ANXA13: variants seen among roughly 807,000 people sequenced by gnomAD.
The protein encoded by ANXA13 is annexin XIII.
In ANXA13, 36 loss-of-function variants were observed where a neutral mutation model predicts 46.6. That is an observed-to-expected ratio of 0.77 (90% CI 0.59 to 1.02). The LOEUF is 1.02. ANXA13 is among the 50% of genes least tolerant of loss of function. The probability of loss-of-function intolerance (pLI) is 0.00; values close to 1 mark genes in which losing one functional copy is unlikely to be tolerated. For synonymous variants in ANXA13, 163 were observed against 152.9 expected (o/e 1.07, Z -0.49); for missense variants, 417 against 396.5 (o/e 1.05, Z -0.44).
At chr8:123,713,989 C>T (rs376420558) in intron 1 of ANXA13, among the ~76,000 whole-genome samples, 3 of 152,124 alleles carry the variant, frequency 2.0e-5, no homozygotes, top group South Asian at 2.1e-4. Flanking sequence ...CCACGGCGCC[C>T]GGCATGTCCA....
At chr8:123,701,237 T>C (rs1339265697) in intron 3 of ANXA13, among the ~76,000 whole-genome samples, 1 of 152,182 alleles carries the variant, frequency 6.6e-6, no homozygotes, top group Non-Finnish European at 1.5e-5. Flanking sequence ...CACTTTGGGC[T>C]GATGTGGGCA....
chr8:123,696,427 T>C (rs939049351), intron 4 of ANXA13, among the ~76,000 whole-genome samples: 5 of 152,174 alleles, frequency 3.3e-5, no homozygotes, highest in Non-Finnish European at 2.9e-5. Context: ...GGAGTGCTAG[T>C]TTCTCTTGAG....
At chr8:123,699,290 C>A (rs1586320349) in intron 3 of ANXA13, among the ~76,000 whole-genome samples, 1 of 152,176 alleles carries the variant, frequency 6.6e-6, no homozygotes, top group Admixed American at 6.5e-5. Context: ...GATGATCCTC[C>A]CATCTCAGCC....
At chr8:123,723,790 C>T (rs898729837) in intron 1 of ANXA13, among the ~76,000 whole-genome samples, 1 of 152,292 alleles carries the variant, frequency 6.6e-6, no homozygotes, top group African/African-American at 2.4e-5. Context: ...TAGTCTATTT[C>T]CTTCCCTAGA....
chr8:123,702,579 G>A (rs775180596), intron 3 of ANXA13, 63 bp downstream of exon 3: 10 of 1,339,964 alleles, frequency 7.5e-6, no homozygotes, highest in Non-Finnish European at 1.1e-5. Flanking sequence ...CTGGGGACAT[G>A]AGGAAGCCGA....
intron 3 of ANXA13, among the ~76,000 whole-genome samples, chr8:123,700,971 C>T (rs1464240948): frequency 2.0e-5 from 3 of 152,072 alleles, no homozygotes; most frequent in African/African-American, 7.2e-5. Context: ...TACAGGCACA[C>T]ACCACCATGC....
intron 1 of ANXA13, among the ~76,000 whole-genome samples, chr8:123,734,890 A>AT (rs1479844281): frequency 2.0e-5 from 3 of 151,736 alleles, no homozygotes; most frequent in Non-Finnish European, 4.4e-5. Context: ...TTGCAGGCTA[A>AT]TGATGAAAGA....
At chr8:123,688,779 A>C in intron 9 of ANXA13, 92 bp downstream of exon 9, 13 of 1,114,300 alleles carry the variant, frequency 1.2e-5, no homozygotes, top group Non-Finnish European at 1.6e-5. Context: ...CCCAAAAGCT[A>C]TTCCCTCAAA....
rs761928116 is a variant in ANXA13 at position 123,693,217 on chromosome 8, T to C, written c.622A>G (p.Thr208Ala). Residue 208 changes from threonine to alanine, a missense_variant, in exon 8 of 11, where the codon ACC becomes GCC. Physicochemically the swap from Thr to Ala is moderately conservative, Grantham distance 58. Coordinates refer to ENST00000419625, the MANE Select transcript of ANXA13 (RefSeq NM_004306.4). ...CTTACAATTTGATAGGCTTGAAAGG[T>C]GGCTCGTAACTGCTTGTAGCTCCTC... is the stretch of plus-strand genomic sequence containing the variant. ...AKRSYKQLRA[T>A]FQAYQILIGK... 5.6e-6 allele frequency: 9 copies of C among 1,614,088 alleles called. No homozygotes were observed. The African/African-American group carries it at 1.1e-4, about 19-fold the overall frequency.
rs1813212909 is a variant in ANXA13, at chr8:123,690,437, A to G, written c.643-1491T>C. 6.6e-6 allele frequency among the ~76,000 whole-genome samples: 1 copy of G among 152,114 alleles called. No homozygotes were observed. The highest frequency in any genetic ancestry group is 2.1e-4 in the South Asian group (1 of 4,832). The stretch of plus-strand genomic sequence containing the variant: ...GCCCGCTCAGGTTTTTTCCTTGCAC[A>G]ACTCCAGGAGGCGCTATTCACACAC... On this transcript the variant is annotated intron_variant, in intron 8 of 10. Coordinates refer to ENST00000419625, the MANE Select transcript of ANXA13 (RefSeq NM_004306.4). The surrounding 1 kb of genome is among the most constrained non-coding windows in gnomAD (Gnocchi z 4.6).
intron 1 of ANXA13, among the ~76,000 whole-genome samples, chr8:123,731,484 C>T (rs1814115884): frequency 6.6e-6 from 1 of 152,190 alleles, no homozygotes; most frequent in Non-Finnish European, 1.5e-5. Flanking sequence ...TACCATGCTG[C>T]AGGCATTGTG....
At position 123,697,860 on chromosome 8, in the gene ANXA13, A is replaced by C. The variant is rs1028369135; in HGVS notation, c.357+529T>G. On this transcript the variant is annotated intron_variant, in intron 4 of 10. Coordinates refer to ENST00000419625, the MANE Select transcript of ANXA13 (RefSeq NM_004306.4). Reference sequence around the variant, plus strand: ...TCTCTTCAGCCCCTGCAAAGGTGGCATGTGCCGAGTGACATCCCTCTGTCT... The same window carrying C: ...TCTCTTCAGCCCCTGCAAAGGTGGCCTGTGCCGAGTGACATCCCTCTGTCT... Among the ~76,000 whole-genome samples, 4 of 152,364 alleles carry C rather than the reference A, an allele frequency of 2.6e-5. No individual in the cohort carries two copies. In the East Asian group the frequency reaches 5.8e-4, roughly 22 times the overall value.
intron 1 of ANXA13, among the ~76,000 whole-genome samples, chr8:123,716,142 G>C (rs1813755338): frequency 6.6e-6 from 1 of 152,170 alleles, no homozygotes. Flanking sequence ...GTAGAGTGTA[G>C]TGTTGCAGTT....
At chr8:123,701,845 G>T (rs992659609) in intron 3 of ANXA13, among the ~76,000 whole-genome samples, 1 of 151,932 alleles carries the variant, frequency 6.6e-6, no homozygotes, top group Admixed American at 6.6e-5. Context: ...GCATTATCCT[G>T]ACTGATTCTC....
Position 123,702,735 on chromosome 8 carries a change from C to A in ANXA13, c.93G>T (p.Gly31=). The stretch of plus-strand genomic sequence containing the variant: ...TTTCAATGATGGCTGCTTCATTGGT[C>A]CCTAAAATACAGGAGAAACAAACAA... ...KKLNKACKGM[G]TNEAAIIEIL... Residue 31 remains glycine, a splice_region_variant and synonymous_variant, in exon 3 of 11, where the codon GGG becomes GGT. Transcript: ENST00000419625. 6.2e-7 allele frequency: 1 copy of A among 1,612,262 alleles called. No individual in the cohort carries two copies.
chr8:123,725,589 AG>A (rs956288032), intron 1 of ANXA13, among the ~76,000 whole-genome samples: 19 of 152,308 alleles, frequency 1.2e-4, no homozygotes, highest in African/African-American at 4.6e-4. Context: ...AACAAAATAG[AG>A]GGGCCATTCA....
intron 7 of ANXA13, 49 bp from the exon 8 acceptor site, chr8:123,693,347 T>G: frequency 1.3e-6 from 2 of 1,547,568 alleles, no homozygotes; most frequent in Non-Finnish European, 1.8e-6. Flanking sequence ...GTGAAAAGAC[T>G]GATTATGCAG....
At chr8:123,693,850 A>C (rs75881016) in intron 6 of ANXA13, 71 bp from the exon 7 acceptor site, 4 of 1,406,018 alleles carry the variant, frequency 2.8e-6, no homozygotes, top group Admixed American at 3.4e-5. Flanking sequence ...AACAAAAAAA[A>C]CAAAGTCCTG....
chr8:123,699,672 C>T (rs961877945), intron 3 of ANXA13, among the ~76,000 whole-genome samples: 4 of 152,188 alleles, frequency 2.6e-5, no homozygotes, highest in East Asian at 1.9e-4. Flanking sequence ...TCACATAGAG[C>T]GACAGCCTGG....
Sources: gnomAD v4.1 joint callset for allele counts (sites outside exome capture counted in the v4.1 genomes callset) on GRCh38, gnomAD v4.1.1 for gene constraint, Gnocchi (gnomAD v3.1) non-coding constraint, MANE v1.5 for transcripts, NCBI Gene and HGNC (gene_info 2026-07-23, HGNC 2026-07-21) for gene names.